Variants in RANBP17 observed in about 807,000 individuals in gnomAD.
RANBP17 encodes RAN binding protein 17, also known as ran-binding protein 17.
RANBP17 carries 158 observed loss-of-function variants against 141.2 expected under a neutral mutation model. That is an observed-to-expected ratio of 1.12 (90% CI 0.98 to 1.28). RANBP17 has a LOEUF of 1.28. Ranked by LOEUF, RANBP17 falls within the 50% of genes most tolerant of loss-of-function variation. The pLI is 0.00. For missense variants in RANBP17, 1,438 were observed against 1,290.7 expected (o/e 1.11, Z -1.75); for synonymous variants, 430 against 450.0 (o/e 0.96, Z 0.56).
intron 12 of RANBP17, among the ~76,000 whole-genome samples, chr5:170,947,390 A>G (rs1774851740): frequency 6.6e-6 from 1 of 152,198 alleles, no homozygotes; most frequent in South Asian, 2.1e-4. Context: ...CATGCAGTTT[A>G]CATTCTGTTG....
rs188081759 is a variant in RANBP17, at chr5:171,275,992, C to T, written c.2943+10145C>T. 5.9e-3 allele frequency among the ~76,000 whole-genome samples: 895 copies of T among 152,278 alleles called. 7 individuals carry two copies. Among genetic ancestry groups the T allele is most frequent in the Non-Finnish European group, 8.8e-3 (597 of 68,020 alleles). ...CTGGTTTATGTAGCCTTTAGGCCGGCACCAGAAACAATCACTCCTACAGGG... is the reference window on the plus strand; with the variant it reads ...CTGGTTTATGTAGCCTTTAGGCCGGTACCAGAAACAATCACTCCTACAGGG... On this transcript the variant is annotated intron_variant, in intron 25 of 27. Transcript: ENST00000523189.
Position 171,171,208 on chromosome 5 carries a change from T to C in RANBP17, c.1787T>C (p.Val596Ala), listed in dbSNP as rs775887624. The change falls in exon 16 of 28, where the codon GTT becomes GCT. Residue 596 changes from valine to alanine, a missense_variant and splice_region_variant. Physicochemically the swap from Val to Ala is moderately conservative, Grantham distance 64. Coordinates refer to ENST00000523189, the MANE Select transcript of RANBP17 (RefSeq NM_022897.5). ...HVLETFMTKI[V>A]TNLKYWGRYE... The stretch of plus-strand genomic sequence containing the variant: ...TAAAGACTTTTTTTCATATTTAGTG[T>C]TACAAACCTTAAATACTGGGGAAGA... 1 of 1,560,574 alleles carries C rather than the reference T, an allele frequency of 6.4e-7. No homozygotes were observed. Among genetic ancestry groups the C allele is most frequent in the Admixed American group, 1.8e-5 (1 of 55,678 alleles).
At chr5:171,087,435 A>G (rs1449079932) in intron 14 of RANBP17, among the ~76,000 whole-genome samples, 3 of 152,118 alleles carry the variant, frequency 2.0e-5, no homozygotes, top group Admixed American at 6.5e-5. Context: ...AAAAATGTAT[A>G]TTCTGTTGAT....
intron 13 of RANBP17, among the ~76,000 whole-genome samples, chr5:170,967,949 ATTTAT>A (rs1776707132): frequency 6.6e-6 from 1 of 151,798 alleles, no homozygotes; most frequent in South Asian, 2.1e-4. Flanking sequence ...TATGCCATGC[ATTTAT>A]TTTATCAGTT....
intron 12 of RANBP17, among the ~76,000 whole-genome samples, chr5:170,943,842 A>G (rs752540613): frequency 6.6e-6 from 1 of 150,566 alleles, no homozygotes; most frequent in Non-Finnish European, 1.5e-5. Context: ...AAATTATCCT[A>G]TCACCTTCCA....
intron 12 of RANBP17, among the ~76,000 whole-genome samples, chr5:170,944,010 C>T (rs555961535): frequency 1.3e-5 from 2 of 152,230 alleles, no homozygotes; most frequent in African/African-American, 2.4e-5. Flanking sequence ...TTCTAATTTC[C>T]TCCCTTTCCT....
intron 25 of RANBP17, among the ~76,000 whole-genome samples, chr5:171,287,762 T>C (rs1463715188): frequency 6.6e-6 from 1 of 152,016 alleles, no homozygotes; most frequent in African/African-American, 2.4e-5. Context: ...AGTCTCACTC[T>C]GTCACGCAGA....
intron 21 of RANBP17, among the ~76,000 whole-genome samples, chr5:171,214,974 T>C (rs1763129506): frequency 6.6e-6 from 1 of 152,146 alleles, no homozygotes; most frequent in Non-Finnish European, 1.5e-5. Flanking sequence ...GGTGGTTTGC[T>C]GCACCTATCA....
chr5:171,264,216 T>G lies in RANBP17; in HGVS notation c.2777-1465T>G, dbSNP rs552395859. ...CTATGAGGACGCAAAGGCATGAGAA[T>G]GATACAGTGGACTCTGGGGACTCAG... On this transcript the variant is annotated intron_variant, in intron 24 of 27. Coordinates refer to ENST00000523189, the MANE Select transcript of RANBP17 (RefSeq NM_022897.5). Among the ~76,000 whole-genome samples the G allele has an allele frequency of 5.9e-5, 9 of 152,228 alleles. No individual in the cohort carries two copies. In the East Asian group the frequency reaches 1.7e-3, roughly 29 times the overall value.
intron 12 of RANBP17, among the ~76,000 whole-genome samples, chr5:170,928,209 A>G (rs1465145449): frequency 2.0e-5 from 3 of 151,924 alleles, no homozygotes; most frequent in Admixed American, 6.6e-5. Context: ...GCTCTTTTGT[A>G]TGTGTTAGGG....
chr5:171,152,601 A>G (rs915360498), intron 14 of RANBP17, among the ~76,000 whole-genome samples: 2 of 152,092 alleles, frequency 1.3e-5, no homozygotes, highest in Non-Finnish European at 2.9e-5. Flanking sequence ...TCCATAATCT[A>G]GCTCCATCTA....
At chr5:171,172,465 T>C (rs1444693962) in intron 16 of RANBP17, among the ~76,000 whole-genome samples, 2 of 151,640 alleles carry the variant, frequency 1.3e-5, no homozygotes, top group Non-Finnish European at 3.0e-5. Context: ...GAAAGTGATG[T>C]ACAACCCAAT....
At chr5:171,093,101 T>C (rs192728578) in intron 14 of RANBP17, among the ~76,000 whole-genome samples, 132 of 152,140 alleles carry the variant, frequency 8.7e-4, no homozygotes, top group African/African-American at 2.8e-3. Context: ...TCCCAGCTAC[T>C]TGGGAGGCTA....
chr5:171,115,913 T>C (rs1199455267), intron 14 of RANBP17, among the ~76,000 whole-genome samples: 2 of 152,244 alleles, frequency 1.3e-5, no homozygotes, highest in African/African-American at 4.8e-5. Context: ...AGTGTCATGC[T>C]AACCTAGAAC....
At chr5:171,175,910 A>G (rs1273592219) in intron 16 of RANBP17, among the ~76,000 whole-genome samples, 1 of 152,092 alleles carries the variant, frequency 6.6e-6, no homozygotes, top group African/African-American at 2.4e-5. Flanking sequence ...GGCCCACCTC[A>G]AAAAGAAGAA....
At chr5:171,171,730 G>A (rs1297739388) in intron 16 of RANBP17, among the ~76,000 whole-genome samples, 1 of 151,880 alleles carries the variant, frequency 6.6e-6, no homozygotes, top group Non-Finnish European at 1.5e-5. Context: ...ATATTCTTCA[G>A]TTGAAAAGAA....
intron 24 of RANBP17, among the ~76,000 whole-genome samples, chr5:171,263,061 C>T (rs1766435731): frequency 2.0e-5 from 3 of 152,178 alleles, no homozygotes; most frequent in Admixed American, 1.3e-4. Context: ...CAACTTAAGA[C>T]TTCTAAGAAA....
chr5:171,082,270 G>A (rs1268962237), intron 14 of RANBP17, among the ~76,000 whole-genome samples: 1 of 152,000 alleles, frequency 6.6e-6, no homozygotes, highest in African/African-American at 2.4e-5. Context: ...GCACCTTCAG[G>A]TGTCAGTAAA....
intron 25 of RANBP17, among the ~76,000 whole-genome samples, chr5:171,287,018 C>G (rs1768210206): frequency 6.6e-6 from 1 of 152,208 alleles, no homozygotes; most frequent in Non-Finnish European, 1.5e-5. Flanking sequence ...AGGCCAATGA[C>G]AAGTGCCAGA....
Sources: gnomAD v4.1 joint callset for allele counts (sites outside exome capture counted in the v4.1 genomes callset) on GRCh38, gnomAD v4.1.1 for gene constraint, MANE v1.5 for transcripts, NCBI Gene and HGNC (gene_info 2026-07-23, HGNC 2026-07-21) for gene names.